LINGO2: variants seen among roughly 807,000 people sequenced by gnomAD.
LINGO2 encodes the protein leucine-rich repeat and immunoglobulin-like domain-containing nogo receptor-interacting protein 2.
A neutral mutation model predicts 30.6 loss-of-function variants in LINGO2; 14 were observed. That is an observed-to-expected ratio of 0.46 (90% CI 0.30 to 0.72). LINGO2 has a LOEUF of 0.72. LINGO2 is among the 30% of genes least tolerant of loss of function. LINGO2 has a pLI of 0.07. For missense variants in LINGO2, 729 were observed against 751.7 expected, an observed-to-expected ratio of 0.97 and a Z score of 0.35; for synonymous variants, 317 against 288.5, an observed-to-expected ratio of 1.10 and a Z score of -1.00.
the LINGO2 span, among the ~76,000 whole-genome samples, chr9:28,876,653 C>A: frequency 6.6e-6 from 1 of 151,984 alleles, no homozygotes; most frequent in Non-Finnish European, 1.5e-5. Flanking sequence ...TCTATCGTTG[C>A]TGGACATTTG....
chr9:28,193,224 C>G (rs1819884733), intron 4 of LINGO2, among the ~76,000 whole-genome samples: 2 of 152,092 alleles, frequency 1.3e-5, no homozygotes, highest in South Asian at 4.1e-4. Flanking sequence ...TAGTCCCCTT[C>G]CTTCTTAGAT....
At chr9:29,059,698 C>T in the LINGO2 span, among the ~76,000 whole-genome samples, 199 of 152,100 alleles carry the variant, frequency 1.3e-3, 4 homozygotes, top group Admixed American at 0.011. Flanking sequence ...CCACAACCCA[C>T]ATCGTATGGA....
chr9:28,616,374 G>GTTTGGCTTTGAGCTATATAGTCCT (rs1826132147), intron 1 of LINGO2, among the ~76,000 whole-genome samples: 1 of 151,988 alleles, frequency 6.6e-6, no homozygotes, highest in African/African-American at 2.4e-5. Context: ...ATGTCAGTCC[G>GTTTGGCTTTGAGCTATATAGTCCT]TTTGGCTTTG....
At chr9:28,475,051 A>C (rs1825676641) in intron 2 of LINGO2, among the ~76,000 whole-genome samples, 1 of 152,154 alleles carries the variant, frequency 6.6e-6, no homozygotes, top group African/African-American at 2.4e-5. Flanking sequence ...ACCCACAGAG[A>C]GTCTGAGAAG....
chr9:28,860,668 T>C, the LINGO2 span, among the ~76,000 whole-genome samples: 3 of 116,976 alleles, frequency 2.6e-5, no homozygotes, highest in South Asian at 2.6e-4. Flanking sequence ...TATAGTCATA[T>C]ATATATTTCA....
chr9:28,533,723 A>C (rs181077628), intron 1 of LINGO2, among the ~76,000 whole-genome samples: 1 of 152,254 alleles, frequency 6.6e-6, no homozygotes, highest in East Asian at 1.9e-4. Context: ...GAAGGCTTGA[A>C]TCTAGTGGGA....
At chr9:29,203,503 G>C in the LINGO2 span, among the ~76,000 whole-genome samples, 1 of 152,234 alleles carries the variant, frequency 6.6e-6, no homozygotes, top group South Asian at 2.1e-4. Context: ...ATTTACACAA[G>C]CTCCCTCTCT....
the LINGO2 span, among the ~76,000 whole-genome samples, chr9:28,840,185 C>T: frequency 1.3e-5 from 2 of 151,826 alleles, no homozygotes; most frequent in East Asian, 3.9e-4. Flanking sequence ...TGTGACTCCG[C>T]GGCTGTGGCT....
chr9:28,448,788 A>T (rs564423659), intron 2 of LINGO2, among the ~76,000 whole-genome samples: 1 of 152,224 alleles, frequency 6.6e-6, no homozygotes, highest in South Asian at 2.1e-4. Flanking sequence ...TGGAGAAAAC[A>T]GTACAGCAAA....
the LINGO2 span, among the ~76,000 whole-genome samples, chr9:28,945,973 C>A: frequency 2.0e-5 from 3 of 152,228 alleles, no homozygotes; most frequent in African/African-American, 4.8e-5. Flanking sequence ...TCTCCTAACC[C>A]AATTTTGTCC....
At chr9:28,688,943 C>T in the LINGO2 span, among the ~76,000 whole-genome samples, 1 of 152,076 alleles carries the variant, frequency 6.6e-6, no homozygotes. Context: ...GCATGGCAGC[C>T]CCCCGATCCT....
intron 1 of LINGO2, among the ~76,000 whole-genome samples, chr9:28,487,157 C>T (rs910343026): frequency 3.3e-5 from 5 of 152,094 alleles, no homozygotes; most frequent in East Asian, 1.9e-4. Context: ...AGACATTGGT[C>T]CCCATCGGGT....
chr9:29,048,740 G>A, the LINGO2 span, among the ~76,000 whole-genome samples: 4 of 152,148 alleles, frequency 2.6e-5, no homozygotes, highest in Non-Finnish European at 5.9e-5. Flanking sequence ...AATAAATGGT[G>A]CTGGGAAAAC....
At chr9:28,204,437 AT>A (rs1190232970) in intron 4 of LINGO2, among the ~76,000 whole-genome samples, 2 of 152,168 alleles carry the variant, frequency 1.3e-5, no homozygotes, top group Non-Finnish European at 2.9e-5. Context: ...CTGTGTCAGT[AT>A]ATTTTTCTAT....
the LINGO2 span, among the ~76,000 whole-genome samples, chr9:29,019,246 T>C: frequency 1.3e-5 from 2 of 152,192 alleles, no homozygotes. Context: ...GGTGTATACT[T>C]AAGGTTTAGA....
chr9:28,872,446 A>G, the LINGO2 span, among the ~76,000 whole-genome samples: 2 of 152,128 alleles, frequency 1.3e-5, no homozygotes, highest in Non-Finnish European at 2.9e-5. Context: ...GCAAAATTAA[A>G]TGAAGTTATC....
intron 5 of LINGO2, among the ~76,000 whole-genome samples, chr9:27,952,494 C>G (rs746924695): frequency 6.6e-6 from 1 of 151,510 alleles, no homozygotes; most frequent in Non-Finnish European, 1.5e-5. Flanking sequence ...TAATCAGAAA[C>G]AGTAAAAAAA....
At chr9:28,495,848 G>T (rs1164973160) in intron 1 of LINGO2, among the ~76,000 whole-genome samples, 1 of 152,016 alleles carries the variant, frequency 6.6e-6, no homozygotes, top group Admixed American at 6.6e-5. Context: ...CAGAGATTCT[G>T]GTATATTGTG....
chr9:28,076,201 C>T (rs1825618258), intron 4 of LINGO2, among the ~76,000 whole-genome samples: 1 of 152,104 alleles, frequency 6.6e-6, no homozygotes, highest in Non-Finnish European at 1.5e-5. Flanking sequence ...CTTCTAAATA[C>T]TATCTTAGAA....
Sources: allele counts gnomAD v4.1 joint callset (sites outside exome capture counted in the v4.1 genomes callset), GRCh38; gene constraint gnomAD v4.1.1; transcripts MANE v1.5; gene names NCBI Gene and HGNC (gene_info 2026-07-23, HGNC 2026-07-21).